The following WWOX variants were observed in gnomAD, a reference collection of about 807,000 sequenced individuals.
WWOX encodes the protein WW domain-containing oxidoreductase.
In WWOX, 69 loss-of-function variants were observed where a neutral mutation model predicts 46.2. That is an observed-to-expected ratio of 1.49 (90% CI 1.23 to 1.82). WWOX has a LOEUF of 1.82. Among genes scored for constraint, WWOX ranks in the 40% most tolerant of loss-of-function variants. The probability of loss-of-function intolerance (pLI) is 0.00; values close to 1 mark genes in which losing one functional copy is unlikely to be tolerated. For synonymous variants in WWOX, 359 were observed against 202.6 expected, an observed-to-expected ratio of 1.77 and a Z score of -6.56; for missense variants, 919 against 542.6, an observed-to-expected ratio of 1.69 and a Z score of -6.89.
chr16:79,198,095 C>G (rs1424161544), intron 8 of WWOX, among the ~76,000 whole-genome samples: 1 of 151,876 alleles, frequency 6.6e-6, no homozygotes, highest in Non-Finnish European at 1.5e-5. Flanking sequence ...GAGGCCAAGA[C>G]AGGTGGATCA....
chr16:78,913,064 C>T (rs573127201), intron 8 of WWOX, among the ~76,000 whole-genome samples: 6 of 151,934 alleles, frequency 3.9e-5, no homozygotes, highest in Non-Finnish European at 8.8e-5. Flanking sequence ...AATGAATTAA[C>T]CCTTTGGATT....
intron 8 of WWOX, among the ~76,000 whole-genome samples, chr16:78,590,677 G>C (rs2045330720): frequency 6.6e-6 from 1 of 152,200 alleles, no homozygotes; most frequent in African/African-American, 2.4e-5. Context: ...AAAGCCTTTG[G>C]AGAGAGTAAG....
chr16:78,357,136 G>A (rs1341017334), intron 5 of WWOX, among the ~76,000 whole-genome samples: 1 of 152,170 alleles, frequency 6.6e-6, no homozygotes, highest in Non-Finnish European at 1.5e-5. Flanking sequence ...GTGGCCCCTA[G>A]TTTGAATCTT....
chr16:78,356,610 C>A (rs1286597601), intron 5 of WWOX, among the ~76,000 whole-genome samples: 2 of 152,136 alleles, frequency 1.3e-5, no homozygotes, highest in African/African-American at 2.4e-5. Context: ...CGGCTGGGCA[C>A]GGTGGCTCAC....
At chr16:78,719,601 C>A (rs1226495918) in intron 8 of WWOX, among the ~76,000 whole-genome samples, 3 of 152,186 alleles carry the variant, frequency 2.0e-5, no homozygotes, top group African/African-American at 7.2e-5. Context: ...CCCCTCAATG[C>A]TTTGGAAGAG....
chr16:79,010,271 C>T (rs754854019), intron 8 of WWOX, among the ~76,000 whole-genome samples: 1 of 152,132 alleles, frequency 6.6e-6, no homozygotes, highest in Admixed American at 6.5e-5. Flanking sequence ...CAGAGAGGAG[C>T]AGACGAGGGA....
At chr16:78,513,787 G>C (rs62033971) in intron 8 of WWOX, among the ~76,000 whole-genome samples, 7 of 152,046 alleles carry the variant, frequency 4.6e-5, no homozygotes, top group Admixed American at 2.0e-4. Flanking sequence ...CCAAACTTAC[G>C]TCACCACTTA....
intron 8 of WWOX, among the ~76,000 whole-genome samples, chr16:78,660,305 G>C (rs2047181353): frequency 6.6e-6 from 1 of 152,148 alleles, no homozygotes; most frequent in African/African-American, 2.4e-5. Flanking sequence ...GTACACTAAA[G>C]GTCCCTCTTC....
chr16:78,792,306 G>T (rs1188009646), intron 8 of WWOX, among the ~76,000 whole-genome samples: 1 of 152,136 alleles, frequency 6.6e-6, no homozygotes, highest in East Asian at 1.9e-4. Context: ...GAGTAACCCA[G>T]CCCCACCTTG....
chr16:79,127,035 A>T (rs927487182), intron 8 of WWOX, among the ~76,000 whole-genome samples: 3 of 151,776 alleles, frequency 2.0e-5, no homozygotes, highest in South Asian at 2.1e-4. Flanking sequence ...ATTTTTTTTT[A>T]AATTAGGATT....
chr16:78,833,943 T>C, intron 8 of WWOX, among the ~76,000 whole-genome samples: 1 of 152,250 alleles, frequency 6.6e-6, no homozygotes, highest in Non-Finnish European at 1.5e-5. Flanking sequence ...TGTGTCTTAT[T>C]CTGTGTTGCA....
intron 8 of WWOX, among the ~76,000 whole-genome samples, chr16:78,952,461 C>T (rs560637050): frequency 5.6e-4 from 85 of 151,726 alleles, no homozygotes; most frequent in African/African-American, 1.8e-3. Flanking sequence ...TAGCTCACTG[C>T]AACCTCCACC....
At chr16:78,967,285 C>G (rs945823747) in intron 8 of WWOX, among the ~76,000 whole-genome samples, 141 of 94,600 alleles carry the variant, frequency 1.5e-3, no homozygotes, top group Non-Finnish European at 2.6e-3. Flanking sequence ...CCTGCCGAGG[C>G]CTTTTTTTTT....
chr16:78,991,844 T>C (rs28496641), intron 8 of WWOX, among the ~76,000 whole-genome samples: 3,395 of 152,268 alleles, frequency 0.022, 125 homozygotes, highest in African/African-American at 0.078. Flanking sequence ...TCATCACTGC[T>C]TCAGACTCCT....
At position 78,918,059 on chromosome 16, in the gene WWOX, A is replaced by G. The variant is rs765955760; in HGVS notation, c.1057-293549A>G. On this transcript the variant is annotated intron_variant, in intron 8 of 8. Coordinates refer to ENST00000566780, the MANE Select transcript of WWOX (RefSeq NM_016373.4). ...TCTACAAAATATTTTAAAATTAGCCAGGCGTGGTGGTGCATGCTTGTAGTC... is the reference window on the plus strand; with the variant it reads ...TCTACAAAATATTTTAAAATTAGCCGGGCGTGGTGGTGCATGCTTGTAGTC... 2.5e-4 allele frequency among the ~76,000 whole-genome samples: 38 copies of G among 151,928 alleles called. 1 individual carries two copies. The highest frequency in any genetic ancestry group is 1.3e-4 in the Admixed American group (2 of 15,238).
At chr16:78,167,117 G>A (rs1051924913) in intron 5 of WWOX, 7 of 152,126 alleles carry the variant, frequency 4.6e-5, no homozygotes, top group Non-Finnish European at 1.0e-4. Context: ...AACTGTTTTT[G>A]CATCATTAAA....
intron 8 of WWOX, among the ~76,000 whole-genome samples, chr16:79,003,011 G>A (rs1178655501): frequency 6.6e-6 from 1 of 152,180 alleles, no homozygotes; most frequent in Non-Finnish European, 1.5e-5. Context: ...AATGCACCCA[G>A]CTCGCCAATG....
chr16:79,164,481 CAGGGATGG>C (rs1239793843), intron 8 of WWOX, among the ~76,000 whole-genome samples: 2 of 151,298 alleles, frequency 1.3e-5, no homozygotes, highest in Non-Finnish European at 1.5e-5. Context: ...TTCATTCAGG[CAGGGATGG>C]GGGGATGGGG....
At chr16:79,162,750 C>G (rs1306363164) in intron 8 of WWOX, among the ~76,000 whole-genome samples, 1 of 152,142 alleles carries the variant, frequency 6.6e-6, no homozygotes, top group Non-Finnish European at 1.5e-5. Flanking sequence ...AAAGGGCATC[C>G]TGCAAATTTG....
Sources: allele counts gnomAD v4.1 joint callset (sites outside exome capture counted in the v4.1 genomes callset), GRCh38; gene constraint gnomAD v4.1.1; transcripts MANE v1.5; gene names NCBI Gene and HGNC (gene_info 2026-07-23, HGNC 2026-07-21).